Variants in PALS1 observed in about 807,000 individuals in gnomAD.
PALS1 encodes protein associated with LIN7 1, MAGUK p55 family member.
A neutral mutation model predicts 78.9 loss-of-function variants in PALS1; 31 were observed. The observed-to-expected ratio is 0.39, with a 90% CI of 0.30 to 0.53. The LOEUF (loss-of-function observed/expected upper bound fraction) is 0.53. PALS1 is among the 20% of genes least tolerant of loss of function. The pLI, the probability that PALS1 is intolerant of heterozygous loss-of-function variation, is 0.67. For synonymous variants in PALS1, 276 were observed against 270.9 expected, an observed-to-expected ratio of 1.02 and a Z score of -0.18; for missense variants, 704 against 826.5, an observed-to-expected ratio of 0.85 and a Z score of 1.82.
At chr14:67,280,834 T>TC (rs1305866517) in intron 3 of PALS1, among the ~76,000 whole-genome samples, 1 of 133,804 alleles carries the variant, frequency 7.5e-6, no homozygotes, top group African/African-American at 3.2e-5. Context: ...CTTCCTTCCT[T>TC]CCTTCCTTCC....
chr14:67,270,681 GCT>G (rs2084394934), intron 2 of PALS1: 6 of 151,820 alleles, frequency 4.0e-5, no homozygotes, highest in Admixed American at 3.9e-4. Context: ...ACATGTATGG[GCT>G]AGAGTATTTG....
At chr14:67,308,512 T>G (rs1426443995) in intron 8 of PALS1, among the ~76,000 whole-genome samples, 2 of 151,556 alleles carry the variant, frequency 1.3e-5, no homozygotes, top group Non-Finnish European at 2.9e-5. Flanking sequence ...TCCTGAGTTT[T>G]AGATCAGCAC....
At chr14:67,247,220 T>C (rs138911250) in intron 1 of PALS1, among the ~76,000 whole-genome samples, 9 of 152,368 alleles carry the variant, frequency 5.9e-5, no homozygotes, top group Admixed American at 5.2e-4. Context: ...TAGTTTTCAA[T>C]ATGCAGATCT....
rs1166819962 is a variant in PALS1 at position 67,321,128 on chromosome 14, G to A, written c.1609G>A (p.Glu537Lys). 4 of 1,613,998 alleles carry A rather than the reference G, an allele frequency of 2.5e-6. No individual in the cohort carries two copies. Among genetic ancestry groups the A allele is most frequent in the Admixed American group, 1.7e-5 (1 of 59,994 alleles). The change falls in exon 13 of 15, where the codon GAG becomes AAG. Residue 537 changes from glutamate to lysine, a missense_variant. Coordinates refer to ENST00000261681, the MANE Select transcript of PALS1 (RefSeq NM_022474.4). The stretch of plus-strand genomic sequence containing the variant: ...CCACTTTGTTTCGCGGCAAGCATTC[G>A]AGGCAGACATAGCAGCTGGAAAGTT... ...DYHFVSRQAFEADIAAGKFIE... is the reference protein window; with the variant it reads ...DYHFVSRQAFKADIAAGKFIE...
At chr14:67,303,406 A>G (rs2084956316) in intron 7 of PALS1, 116 bp from the exon 8 acceptor site, 1 of 739,180 alleles carries the variant, frequency 1.4e-6, no homozygotes, top group African/African-American at 1.8e-5. Context: ...GCTGCTGGTC[A>G]TTTAAGTCTG....
intron 3 of PALS1, among the ~76,000 whole-genome samples, chr14:67,286,855 CAAAAAAA>C (rs201923149): frequency 7.4e-5 from 5 of 67,212 alleles, no homozygotes; most frequent in Admixed American, 3.1e-4. Context: ...GACCTGGTCT[CAAAAAAA>C]AAAAAAAAAA....
Position 67,268,935 on chromosome 14 carries a change from G to A in PALS1, c.-236-766G>A, listed in dbSNP as rs79564588. Among the ~76,000 whole-genome samples the A allele has an allele frequency of 2.8e-3, 428 of 152,260 alleles. 18 individuals carry two copies. The East Asian group carries it at 0.059, about 21-fold the overall frequency. ...TCCCTTTCAAGTGTGCAAATTCAGT[G>A]GATTTTAGTATATTTAGAGTTGTGC... On this transcript the variant is annotated intron_variant, in intron 1 of 14. Transcript: ENST00000261681.
chr14:67,333,072 T>C lies in PALS1; in HGVS notation c.*116T>C. 2.2e-6 allele frequency: 2 copies of C among 890,324 alleles called. No homozygotes were observed. Among genetic ancestry groups the C allele is most frequent in the Non-Finnish European group, 3.4e-6 (2 of 588,490 alleles). The allele number at this position is 890,324 out of a possible 1,614,324, so 55.2% of individuals were successfully genotyped here. A position where few individuals can be genotyped will look rare whatever the true frequency, so the allele number is the denominator to read the frequency against. The stretch of plus-strand genomic sequence containing the variant: ...AGATGGAAGGCAGCAGTATAAGCTG[T>C]AGATCTGTTCTTAGATCTCTTGAAT... On this transcript the variant is annotated 3_prime_UTR_variant, in exon 15 of 15. Transcript: ENST00000261681.
At chr14:67,309,778 G>A (rs1385637963) in intron 8 of PALS1, among the ~76,000 whole-genome samples, 1 of 152,054 alleles carries the variant, frequency 6.6e-6, no homozygotes, top group Non-Finnish European at 1.5e-5. Context: ...TCTGAGGTGC[G>A]GCATGAGAAT....
At chr14:67,263,580 A>G (rs2084270430) in intron 1 of PALS1, among the ~76,000 whole-genome samples, 1 of 152,194 alleles carries the variant, frequency 6.6e-6, no homozygotes, top group East Asian at 1.9e-4. Context: ...ACTAAAGAAA[A>G]ATAATGGCAA....
chr14:67,267,204 G>C lies in PALS1; in HGVS notation c.-236-2497G>C, dbSNP rs552615680. ...TTTTAAGTGTATAATTTGAGGTTTT[G>C]TTTTCTTTTAAAATCAGCTGAATAG... On this transcript the variant is annotated intron_variant, in intron 1 of 14. Transcript: ENST00000261681. Among the ~76,000 whole-genome samples the C allele has an allele frequency of 5.6e-4, 86 of 152,238 alleles. 3 individuals are homozygous for C. The South Asian group carries it at 0.016, about 29-fold the overall frequency.
intron 14 of PALS1, 129 bp from the exon 15 acceptor site, chr14:67,332,651 C>T (rs72717391): frequency 0.034 from 30,144 of 877,678 alleles, 633 homozygotes; most frequent in Middle Eastern, 0.056. Context: ...TGGAAAGGAG[C>T]TCCTGAGGTT....
intron 4 of PALS1, among the ~76,000 whole-genome samples, chr14:67,294,154 C>T (rs1042449515): frequency 1.3e-5 from 2 of 152,112 alleles, no homozygotes; most frequent in African/African-American, 2.4e-5. Flanking sequence ...GGATAGTTCA[C>T]TATTTTAAAA....
At chr14:67,286,781 T>G (rs1044399244) in intron 3 of PALS1, among the ~76,000 whole-genome samples, 1 of 143,396 alleles carries the variant, frequency 7.0e-6, no homozygotes, top group Non-Finnish European at 1.5e-5. Context: ...CGCTGGAACC[T>G]GAGAAGTTGA....
At chr14:67,316,581 T>C (rs1479326040) in intron 9 of PALS1, among the ~76,000 whole-genome samples, 1 of 152,192 alleles carries the variant, frequency 6.6e-6, no homozygotes. Context: ...AGTTGAACTA[T>C]TAAATTTTTA....
chr14:67,288,905 G>A (rs542032302), intron 3 of PALS1, among the ~76,000 whole-genome samples: 3 of 150,598 alleles, frequency 2.0e-5, no homozygotes, highest in Admixed American at 6.6e-5. Flanking sequence ...ACTGATGAAC[G>A]CACATATATG....
chr14:67,242,150 C>T (rs2083915853), intron 1 of PALS1, among the ~76,000 whole-genome samples: 1 of 152,172 alleles, frequency 6.6e-6, no homozygotes, highest in Non-Finnish European at 1.5e-5. Context: ...ATGAAGTTTG[C>T]TTTAAACGAT....
At chr14:67,246,900 C>G (rs906832772) in intron 1 of PALS1, among the ~76,000 whole-genome samples, 2 of 152,030 alleles carry the variant, frequency 1.3e-5, no homozygotes, top group Admixed American at 6.5e-5. Flanking sequence ...TCTGCCTGCC[C>G]CGGCTTCCCA....
intron 14 of PALS1, among the ~76,000 whole-genome samples, chr14:67,326,221 ATTTTTTTTTTTTTTTTTTTTT>A (rs760127048): frequency 1.1e-3 from 14 of 12,914 alleles, no homozygotes; most frequent in East Asian, 4.2e-3. Flanking sequence ...TTTAGGTCTG[ATTTTTTTTTTTTTTTTTTTTT>A]TTTTTTTTTT....
Sources: gnomAD v4.1 joint callset for allele counts (sites outside exome capture counted in the v4.1 genomes callset) on GRCh38, gnomAD v4.1.1 for gene constraint, MANE v1.5 for transcripts, NCBI Gene and HGNC (gene_info 2026-07-23, HGNC 2026-07-21) for gene names.